Variants in GALNT13 observed in about 807,000 individuals in gnomAD.
GALNT13 encodes polypeptide N-acetylgalactosaminyltransferase 13, also known as UDP-GalNAc:polypeptide N-acetylgalactosaminyltransferase 13.
A neutral mutation model predicts 64.2 loss-of-function variants in GALNT13; 28 were observed. The ratio of observed to expected loss-of-function variants is 0.44; its 90% CI spans 0.32 to 0.60. GALNT13 has a LOEUF of 0.60. GALNT13 is among the 20% of genes least tolerant of loss of function. The pLI is 0.05. For missense variants in GALNT13, 577 were observed against 669.8 expected (o/e 0.86, Z 1.53); for synonymous variants, 214 against 224.6 (o/e 0.95, Z 0.42).
At chr2:154,316,367 T>C (rs1165383215) in intron 9 of GALNT13, among the ~76,000 whole-genome samples, 1 of 152,188 alleles carries the variant, frequency 6.6e-6, no homozygotes, top group African/African-American at 2.4e-5. Flanking sequence ...AACTTAAAAA[T>C]TTAGAAAATT....
the GALNT13 span, among the ~76,000 whole-genome samples, chr2:153,678,063 G>GA: frequency 0.32 from 37,811 of 116,440 alleles, 5,440 homozygotes; most frequent in Admixed American, 0.44. Context: ...TCTGCTAAGT[G>GA]AAAAAACAAA....
chr2:153,268,979 C>G, the GALNT13 span, among the ~76,000 whole-genome samples: 1 of 152,138 alleles, frequency 6.6e-6, no homozygotes, highest in Admixed American at 6.5e-5. Flanking sequence ...GGTCTCTGGA[C>G]CTGTGATGGG....
At chr2:154,350,631 C>T (rs1236328724) in intron 9 of GALNT13, among the ~76,000 whole-genome samples, 3 of 152,170 alleles carry the variant, frequency 2.0e-5, no homozygotes, top group Non-Finnish European at 4.4e-5. Flanking sequence ...TTAATTAACT[C>T]ACTTTCCTGT....
chr2:153,654,728 T>C, the GALNT13 span, among the ~76,000 whole-genome samples: 1 of 152,124 alleles, frequency 6.6e-6, no homozygotes, highest in Non-Finnish European at 1.5e-5. Context: ...ATAAGTAATC[T>C]AGAGATTATT....
intron 3 of GALNT13, among the ~76,000 whole-genome samples, chr2:154,110,280 T>G (rs1228701670): frequency 3.3e-3 from 4 of 1,216 alleles, no homozygotes; most frequent in South Asian, 0.14. Flanking sequence ...ACTAATAGGA[T>G]ATATATATAT....
chr2:153,870,320 G>A (rs938725690), upstream of GALNT13, among the ~76,000 whole-genome samples: 5 of 152,006 alleles, frequency 3.3e-5, no homozygotes, highest in African/African-American at 1.2e-4. Context: ...ATGGAATTGC[G>A]CCTTTTTTTA....
At chr2:154,010,777 T>A (rs1458766595) in intron 3 of GALNT13, among the ~76,000 whole-genome samples, 1 of 152,120 alleles carries the variant, frequency 6.6e-6, no homozygotes, top group African/African-American at 2.4e-5. Flanking sequence ...TTATTATTGA[T>A]CTCTTCAGGG....
chr2:154,324,360 T>C (rs1254070601), intron 9 of GALNT13, among the ~76,000 whole-genome samples: 1 of 152,162 alleles, frequency 6.6e-6, no homozygotes, highest in Admixed American at 6.6e-5. Flanking sequence ...AATTTTGTTT[T>C]ATTATTTTTT....
chr2:153,511,748 T>C, the GALNT13 span, among the ~76,000 whole-genome samples: 1 of 152,218 alleles, frequency 6.6e-6, no homozygotes, highest in African/African-American at 2.4e-5. Flanking sequence ...TAAACAAGAC[T>C]GAAGCGGGAG....
the GALNT13 span, among the ~76,000 whole-genome samples, chr2:153,642,345 C>T: frequency 6.6e-6 from 1 of 151,594 alleles, no homozygotes; most frequent in South Asian, 2.1e-4. Flanking sequence ...TATTCTAATA[C>T]TATATTTTAT....
the GALNT13 span, among the ~76,000 whole-genome samples, chr2:153,562,060 C>CTCTGTGTGTGTG: frequency 4.2e-3 from 495 of 118,928 alleles, 2 homozygotes; most frequent in East Asian, 0.019. Flanking sequence ...CTCTCTCTCT[C>CTCTGTGTGTGTG]TGTGTGTGTG....
At chr2:153,127,365 T>A in the GALNT13 span, among the ~76,000 whole-genome samples, 3 of 152,140 alleles carry the variant, frequency 2.0e-5, no homozygotes, top group Admixed American at 2.0e-4. Flanking sequence ...GCCTCTCATA[T>A]CCATGTACCT....
chr2:153,590,582 A>G, the GALNT13 span, among the ~76,000 whole-genome samples: 1 of 152,176 alleles, frequency 6.6e-6, no homozygotes, highest in African/African-American at 2.4e-5. Flanking sequence ...AACATTCTCA[A>G]CAAAATACTG....
the GALNT13 span, among the ~76,000 whole-genome samples, chr2:153,352,581 T>A: frequency 6.6e-6 from 1 of 152,248 alleles, no homozygotes; most frequent in East Asian, 1.9e-4. Flanking sequence ...AGGAGTTTGA[T>A]AGTTTTTCAT....
the GALNT13 span, among the ~76,000 whole-genome samples, chr2:153,251,233 T>C: frequency 1.3e-5 from 2 of 152,160 alleles, no homozygotes; most frequent in Non-Finnish European, 2.9e-5. Flanking sequence ...ATTATGGGAA[T>C]CTCCTATAAT....
chr2:153,597,357 CAA>C, the GALNT13 span, among the ~76,000 whole-genome samples: 2 of 152,086 alleles, frequency 1.3e-5, no homozygotes, highest in Non-Finnish European at 2.9e-5. Context: ...AATCATCTGA[CAA>C]GTGTGTCATG....
intron 3 of GALNT13, among the ~76,000 whole-genome samples, chr2:154,019,691 G>GT (rs1007358198): frequency 3.6e-4 from 24 of 66,210 alleles, no homozygotes; most frequent in Admixed American, 1.2e-3. Context: ...ATGATTTTTT[G>GT]TTTTTTTTGT....
the GALNT13 span, among the ~76,000 whole-genome samples, chr2:153,174,333 G>A: frequency 6.6e-6 from 1 of 152,168 alleles, no homozygotes; most frequent in Non-Finnish European, 1.5e-5. Context: ...TTTAACCCAT[G>A]CCTTTACCCT....
intron 9 of GALNT13, among the ~76,000 whole-genome samples, chr2:154,379,415 A>C (rs188440874): frequency 4.0e-4 from 61 of 152,128 alleles, no homozygotes; most frequent in Admixed American, 3.0e-3. Flanking sequence ...ATGGTTATGA[A>C]GCTGTGAATG....
Sources: allele counts gnomAD v4.1 joint callset (sites outside exome capture counted in the v4.1 genomes callset), GRCh38; gene constraint gnomAD v4.1.1; transcripts MANE v1.5; gene names NCBI Gene and HGNC (gene_info 2026-07-23, HGNC 2026-07-21).